The following DCAF13 variants were observed in gnomAD, a reference collection of about 807,000 sequenced individuals.
DCAF13 encodes the protein DDB1 and CUL4 associated factor 13.
A neutral mutation model predicts 59.0 loss-of-function variants in DCAF13; 38 were observed. The observed-to-expected ratio is 0.64, with a 90% confidence interval of 0.50 to 0.84. DCAF13 has a LOEUF of 0.84. DCAF13 is among the 40% of genes least tolerant of loss of function. DCAF13 has a pLI of 0.00. For missense variants in DCAF13, 469 were observed against 558.4 expected (o/e 0.84, Z 1.61); for synonymous variants, 173 against 175.0 (o/e 0.99, Z 0.09).
At chr8:103,427,956 T>TA (rs1429707926) in intron 5 of DCAF13, 1 of 152,188 alleles carries the variant, frequency 6.6e-6, no homozygotes, top group Non-Finnish European at 1.5e-5. Flanking sequence ...TCAGTAGGGA[T>TA]ATGTTTTTCC....
Position 103,430,645 on chromosome 8 carries a change from A to G in DCAF13, c.658A>G (p.Asn220Asp). Residue 220 changes from asparagine to aspartate, a missense_variant, in exon 6 of 11, where the codon AAT (asparagine) becomes GAT (aspartate). This residue lies in a region of DCAF13 where 355 missense variants were observed against 399.1 expected (regional missense o/e 0.89). Coordinates refer to ENST00000612750, the MANE Select transcript of DCAF13 (RefSeq NM_015420.7). The part of the protein sequence containing the change: ...FLLGSCASDR[N>D]IVLYDMRQAT... The stretch of plus-strand genomic sequence containing the variant: ...CTTGGGAAGTTGTGCATCTGACAGG[A>G]ATATAGTACTGTACGATATGAGGCA... The G allele has an allele frequency of 1.2e-6, 2 of 1,610,872 alleles. No homozygotes were observed. Among genetic ancestry groups the G allele is most frequent in the Non-Finnish European group, 8.5e-7 (1 of 1,178,482 alleles).
rs546570906 is a variant in DCAF13, at chr8:103,436,927, G to A, written c.950+1137G>A. 3.9e-5 allele frequency among the ~76,000 whole-genome samples: 6 copies of A among 152,224 alleles called. No homozygotes were observed. In the South Asian group the frequency reaches 1.2e-3, roughly 32 times the overall value. ...TTGCTCTTTTACTTGTGATATTTAA[G>A]TCTTTTTCCACTGTAATTTGAGGAA... On this transcript the variant is annotated intron_variant, in intron 8 of 10. Transcript: ENST00000612750.
At chr8:103,442,697 G>A in intron 10 of DCAF13, 98 bp from the exon 11 acceptor site, 1 of 742,402 alleles carries the variant, frequency 1.3e-6, no homozygotes, top group African/African-American at 1.8e-5. Flanking sequence ...TTAAATAGGT[G>A]TTTTTCTAGT....
Position 103,420,824 on chromosome 8 carries a change from A to G in DCAF13, c.271-151A>G, listed in dbSNP as rs565816351. The stretch of plus-strand genomic sequence containing the variant: ...CAGGTTGTATTTTTTGCTCATCAGT[A>G]TACTTATCCATATGCATTGCATTGT... On this transcript the variant is annotated intron_variant, in intron 2 of 10. Transcript: ENST00000612750. 1.3e-4 allele frequency: 83 copies of G among 617,340 alleles called. No homozygotes were observed. The African/African-American group carries it at 1.4e-3, about 11-fold the overall frequency. 38.2% of individuals were successfully genotyped at this position (617,340 alleles called of 1,614,324 possible).
chr8:103,433,666 A>G (rs897727282), intron 7 of DCAF13, among the ~76,000 whole-genome samples: 2 of 152,052 alleles, frequency 1.3e-5, no homozygotes, highest in African/African-American at 2.4e-5. Flanking sequence ...ACTTTCTGCT[A>G]AAAAGAGGTT....
At chr8:103,426,998 T>G (rs1816799731) in intron 4 of DCAF13, 99 bp from the exon 5 acceptor site, 1 of 923,700 alleles carries the variant, frequency 1.1e-6, no homozygotes, top group Non-Finnish European at 1.5e-6. Context: ...AACAGGGCTT[T>G]TCTCTAAAAA....
At chr8:103,442,137 A>C (rs2130500355) in intron 10 of DCAF13, 1 of 152,414 alleles carries the variant, frequency 6.6e-6, no homozygotes, top group East Asian at 1.9e-4. Flanking sequence ...AACTTCCATT[A>C]CCTGTTTTTG....
At chr8:103,429,266 C>T (rs567327839) in intron 5 of DCAF13, 2 of 152,238 alleles carry the variant, frequency 1.3e-5, no homozygotes, top group South Asian at 4.1e-4. Flanking sequence ...TGAGGGACCT[C>T]ACTAGGGAAG....
intron 7 of DCAF13, among the ~76,000 whole-genome samples, chr8:103,432,974 A>G (rs1816885625): frequency 6.6e-6 from 1 of 152,158 alleles, no homozygotes; most frequent in Admixed American, 6.5e-5. Flanking sequence ...TCGTGGACCA[A>G]ATCCTTTCTG....
intron 8 of DCAF13, 63 bp from the exon 9 acceptor site, chr8:103,440,073 G>C: frequency 7.8e-7 from 1 of 1,277,592 alleles, no homozygotes; most frequent in Non-Finnish European, 1.0e-6. Flanking sequence ...TACTTAATAG[G>C]CAGTGGTTAC....
intron 7 of DCAF13, 144 bp downstream of exon 7, chr8:103,432,885 CA>C (rs1816884839): frequency 4.0e-6 from 2 of 505,092 alleles, no homozygotes; most frequent in Non-Finnish European, 7.1e-6. Flanking sequence ...AAAAGTTTTC[CA>C]AATTGGAGAA....
intron 3 of DCAF13, among the ~76,000 whole-genome samples, chr8:103,425,742 A>ATT (rs1435958960): frequency 6.6e-6 from 1 of 152,188 alleles, no homozygotes; most frequent in African/African-American, 2.4e-5. Flanking sequence ...CAGATATTAT[A>ATT]ATACCATTTT....
At chr8:103,421,148 A>T (rs753949875) in intron 3 of DCAF13, 66 bp downstream of exon 3, 2 of 1,122,794 alleles carry the variant, frequency 1.8e-6, no homozygotes, top group Admixed American at 1.8e-5. Context: ...AATTGAATAC[A>T]TTTTTTTTCA....
At chr8:103,419,837 C>T (rs1035059158) in intron 1 of DCAF13, among the ~76,000 whole-genome samples, 1 of 151,966 alleles carries the variant, frequency 6.6e-6, no homozygotes, top group Non-Finnish European at 1.5e-5. Context: ...GGTGAAACCC[C>T]ATCTCTACTA....
chr8:103,427,538 T>G (rs1464129366), intron 5 of DCAF13: 4 of 392,510 alleles, frequency 1.0e-5, no homozygotes, highest in Non-Finnish European at 1.8e-5. Context: ...TAACTTTAGT[T>G]TTACTCATGC....
intron 10 of DCAF13, 40 bp downstream of exon 10, chr8:103,441,658 C>A (rs1473679593): frequency 1.3e-6 from 2 of 1,584,578 alleles, no homozygotes; most frequent in East Asian, 2.2e-5. Flanking sequence ...CCTTTTCTGA[C>A]TTCTGCTCTC....
intron 3 of DCAF13, among the ~76,000 whole-genome samples, chr8:103,421,524 C>T (rs1816722753): frequency 6.6e-6 from 1 of 152,202 alleles, no homozygotes; most frequent in African/African-American, 2.4e-5. Context: ...GCAACCATCA[C>T]CACCATCTGT....
intron 3 of DCAF13, chr8:103,421,309 A>G: frequency 1.6e-6 from 1 of 631,478 alleles, no homozygotes; most frequent in South Asian, 1.6e-5. Flanking sequence ...CAAAAGTGGA[A>G]TTAATGAGAG....
Position 103,430,631 on chromosome 8 carries a change from G to A in DCAF13, c.644G>A (p.Cys215Tyr). ...NPIETFLLGS[C>Y]ASDRNIVLYD... ...TTTTAGACATTTCTCTTGGGAAGTTGTGCATCTGACAGGAATATAGTACTG... is the reference window on the plus strand; with the variant it reads ...TTTTAGACATTTCTCTTGGGAAGTTATGCATCTGACAGGAATATAGTACTG... The change falls in exon 6 of 11, where the codon TGT (cysteine) becomes TAT (tyrosine). Residue 215 changes from cysteine (C) to tyrosine (Y), a missense_variant. By Grantham distance (194) the Cys-to-Tyr change is radical (BLOSUM62 -2). Coordinates refer to ENST00000612750, the MANE Select transcript of DCAF13 (RefSeq NM_015420.7). 1.2e-6 allele frequency: 2 copies of A among 1,610,896 alleles called. No individual in the cohort carries two copies. Among genetic ancestry groups the A allele is most frequent in the Middle Eastern group, 1.7e-4 (1 of 6,052 alleles).
Sources: gnomAD v4.1 joint callset for allele counts (sites outside exome capture counted in the v4.1 genomes callset) on GRCh38, gnomAD v4.1.1 for gene constraint, gnomAD v4.1.1 regional missense constraint, MANE v1.5 for transcripts, NCBI Gene and HGNC (gene_info 2026-07-23, HGNC 2026-07-21) for gene names.